Variants in DOCK7 observed in about 807,000 individuals in gnomAD.
DOCK7 encodes the protein dedicator of cytokinesis protein 7.
A neutral mutation model predicts 271.0 loss-of-function variants in DOCK7; 138 were observed. The observed-to-expected ratio is 0.51, with a 90% confidence interval of 0.44 to 0.59. The LOEUF is 0.59. Among genes scored for constraint, DOCK7 ranks in the 20% least tolerant of loss-of-function variants. DOCK7 has a pLI of 0.00. For missense variants in DOCK7, 2,066 were observed against 2,592.4 expected (o/e 0.80, Z 4.41); for synonymous variants, 823 against 876.1 (o/e 0.94, Z 1.07).
chr1:62,529,679 A>C (rs962627114), intron 29 of DOCK7, among the ~76,000 whole-genome samples: 3 of 152,230 alleles, frequency 2.0e-5, no homozygotes, highest in Non-Finnish European at 2.9e-5. Flanking sequence ...ATGCTATACA[A>C]ATTCACTTAG....
At chr1:62,507,424 G>A (rs914725625) in intron 35 of DOCK7, among the ~76,000 whole-genome samples, 2 of 152,146 alleles carry the variant, frequency 1.3e-5, no homozygotes, top group African/African-American at 4.8e-5. Context: ...AATGTCATGA[G>A]TTTCTTAGAA....
At chr1:62,669,593 CATT>C (rs1173655285) in intron 1 of DOCK7, among the ~76,000 whole-genome samples, 1 of 152,242 alleles carries the variant, frequency 6.6e-6, no homozygotes, top group Non-Finnish European at 1.5e-5. Flanking sequence ...TTTTCTATCT[CATT>C]GTGATAACCA....
intron 11 of DOCK7, among the ~76,000 whole-genome samples, chr1:62,625,648 G>C (rs984358990): frequency 3.3e-5 from 5 of 152,198 alleles, no homozygotes; most frequent in East Asian, 1.9e-4. Context: ...CATGACCAAT[G>C]ATGAGCCACA....
chr1:62,460,868 G>C (rs1404280618), intron 48 of DOCK7: 1 of 152,116 alleles, frequency 6.6e-6, no homozygotes, highest in Non-Finnish European at 1.5e-5. Flanking sequence ...TGTTGCCCAG[G>C]CTGGTCTCAA....
At chr1:62,583,352 A>C (rs1241386850) in intron 15 of DOCK7, 98 bp from the exon 16 acceptor site, 7 of 1,091,716 alleles carry the variant, frequency 6.4e-6, no homozygotes, top group Admixed American at 1.9e-5. Context: ...TATTTGAGAA[A>C]AATGGGCAAA....
chr1:62,460,519 CAT>C (rs1645489056), intron 48 of DOCK7, among the ~76,000 whole-genome samples: 1 of 151,748 alleles, frequency 6.6e-6, no homozygotes. Context: ...TTTTATATAA[CAT>C]ATTAAACTTG....
At chr1:62,559,901 T>A (rs1236254559) in intron 19 of DOCK7, among the ~76,000 whole-genome samples, 2 of 152,160 alleles carry the variant, frequency 1.3e-5, no homozygotes, top group Non-Finnish European at 2.9e-5. Context: ...GAACACCTAC[T>A]TTCCTTCTGG....
At chr1:62,529,500 G>C (rs1645112716) in intron 29 of DOCK7, 54 bp from the exon 30 acceptor site, 1 of 1,385,138 alleles carries the variant, frequency 7.2e-7, no homozygotes, top group Non-Finnish European at 9.7e-7. Flanking sequence ...ACAGAGATTA[G>C]CTAACATCTT....
Position 62,475,939 on chromosome 1 carries a change from T to C in DOCK7, c.5729A>G (p.Tyr1910Cys). ...DKCKLDPNKAYIQITYVEPYF... is the reference protein window; with the variant it reads ...DKCKLDPNKACIQITYVEPYF... ...TGGCTCCACATAGGTAATCTGAATATATGCCTAGGAAAGAAAAAAGTCCTT... is the reference window on the plus strand; with the variant it reads ...TGGCTCCACATAGGTAATCTGAATACATGCCTAGGAAAGAAAAAAGTCCTT... The change falls in exon 46 of 50, where the codon TAT (tyrosine) becomes TGT (cysteine). Residue 1910 changes from tyrosine (Y) to cysteine (C), a missense_variant. Transcript: ENST00000635253. 2.5e-6 allele frequency: 4 copies of C among 1,613,402 alleles called. No individual in the cohort carries two copies. The East Asian group carries it at 8.9e-5, about 36-fold the overall frequency.
chr1:62,565,137 C>T (rs1188743352), intron 18 of DOCK7, among the ~76,000 whole-genome samples: 6 of 152,116 alleles, frequency 3.9e-5, no homozygotes, highest in African/African-American at 1.4e-4. Context: ...AAAGCTGGTA[C>T]CATTCCTTCT....
intron 9 of DOCK7, 82 bp downstream of exon 9, chr1:62,634,691 T>A: frequency 7.3e-7 from 1 of 1,376,566 alleles, no homozygotes; most frequent in Non-Finnish European, 1.0e-6. Context: ...GGTCAAATCT[T>A]TGCCCTTGAA....
rs1650740420 is a variant in DOCK7, at chr1:62,604,871, A to C, written c.1682+13835T>G. On this transcript the variant is annotated intron_variant, in intron 14 of 49. Transcript: ENST00000635253. Reference sequence around the variant, plus strand: ...TAAACATTAACCTCATTCCAAGTTAATGTGGTCTAATAATCTGGTATTAAA... The same window carrying C: ...TAAACATTAACCTCATTCCAAGTTACTGTGGTCTAATAATCTGGTATTAAA... 7.4e-6 allele frequency: 5 copies of C among 676,126 alleles called. No individual in the cohort carries two copies. In the Admixed American group the frequency reaches 1.3e-4, roughly 17 times the overall value. The allele number at this position is 676,126 out of a possible 1,614,324, so 41.9% of individuals were successfully genotyped here. A position where few individuals can be genotyped will look rare whatever the true frequency, so the allele number is the denominator to read the frequency against.
intron 43 of DOCK7, chr1:62,487,121 C>A: frequency 3.6e-6 from 1 of 281,110 alleles, no homozygotes; most frequent in South Asian, 1.1e-4. Context: ...AGAAATGCTT[C>A]AAAGGGTAAA....
At chr1:62,615,753 A>G (rs1168881036) in intron 14 of DOCK7, among the ~76,000 whole-genome samples, 2 of 151,682 alleles carry the variant, frequency 1.3e-5, no homozygotes, top group African/African-American at 4.8e-5. Context: ...CTACAATATT[A>G]TTTTTACTAA....
chr1:62,528,979 T>C (rs1038565501), intron 30 of DOCK7, among the ~76,000 whole-genome samples: 3 of 152,212 alleles, frequency 2.0e-5, no homozygotes, highest in Admixed American at 1.3e-4. Context: ...TCAAGTTTTC[T>C]TGTATTTTTT....
At chr1:62,466,929 CAAAAACAAAA>C (rs1645695302) in intron 48 of DOCK7, among the ~76,000 whole-genome samples, 1 of 150,972 alleles carries the variant, frequency 6.6e-6, no homozygotes, top group African/African-American at 2.4e-5. Context: ...AAAACAAAAA[CAAAAACAAAA>C]AAAAACAAAA....
chr1:62,480,372 T>C lies in DOCK7; in HGVS notation c.5509-2547A>G, dbSNP rs1019069964. Among the ~76,000 whole-genome samples the C allele has an allele frequency of 6.6e-5, 10 of 152,354 alleles. No homozygotes were observed. The East Asian group carries it at 1.9e-3, about 29-fold the overall frequency. On this transcript the variant is annotated intron_variant, in intron 43 of 49. Coordinates refer to ENST00000635253, the MANE Select transcript of DOCK7 (RefSeq NM_001367561.1). ...AAAAATAATTAATGGGTGTTTATTA[T>C]GTTAGCCACTGTTCATCTTCAGTAA...
chr1:62,682,681 G>GT (rs1421049996), intron 1 of DOCK7, among the ~76,000 whole-genome samples: 2 of 152,184 alleles, frequency 1.3e-5, no homozygotes, highest in African/African-American at 4.8e-5. Context: ...ATGAGGAAGA[G>GT]AATAAGCAGG....
intron 48 of DOCK7, 89 bp downstream of exon 48, chr1:62,473,893 C>G: frequency 9.4e-7 from 1 of 1,058,718 alleles, no homozygotes; most frequent in Non-Finnish European, 1.4e-6. Context: ...CCTATTTTCT[C>G]TTTTCAATGG....
Sources: allele counts gnomAD v4.1 joint callset (sites outside exome capture counted in the v4.1 genomes callset), GRCh38; gene constraint gnomAD v4.1.1; transcripts MANE v1.5; gene names NCBI Gene and HGNC (gene_info 2026-07-23, HGNC 2026-07-21).